The following SLC24A2 variants were observed in gnomAD, a reference collection of about 807,000 sequenced individuals.
The protein encoded by SLC24A2 is sodium/potassium/calcium exchanger 2.
Under a neutral mutation model 62.0 loss-of-function variants are expected in SLC24A2, and 36 were observed. The observed-to-expected ratio is 0.58, with a 90% CI of 0.44 to 0.77. SLC24A2 has a LOEUF of 0.77. SLC24A2 is among the 30% of genes least tolerant of loss of function. The probability of loss-of-function intolerance (pLI) is 0.00; values close to 1 mark genes in which losing one functional copy is unlikely to be tolerated. For synonymous variants in SLC24A2, 358 were observed against 294.0 expected (o/e 1.22, Z -2.23); for missense variants, 846 against 817.9 (o/e 1.03, Z -0.42).
At chr9:19,610,756 T>C (rs371141500) in intron 4 of SLC24A2, among the ~76,000 whole-genome samples, 1 of 152,244 alleles carries the variant, frequency 6.6e-6, no homozygotes, top group East Asian at 1.9e-4. Flanking sequence ...AGAACTTTGT[T>C]GGTCACTACA....
rs979810171 is a variant in SLC24A2 at position 19,690,626 on chromosome 9, C to T, written c.931-68327G>A. Among the ~76,000 whole-genome samples, 12 of 152,276 alleles carry T rather than the reference C, an allele frequency of 7.9e-5. No homozygotes were observed. The East Asian group carries it at 2.1e-3, about 27-fold the overall frequency. The stretch of plus-strand genomic sequence containing the variant: ...AGAAAGAGGTAAAGGCCAAATGGTA[C>T]TGCCTGAGGCCTCCTTAGATCTAGC... On this transcript the variant is annotated intron_variant, in intron 2 of 10. Transcript: ENST00000341998.
chr9:19,565,340 A>C lies in SLC24A2; in HGVS notation c.1347+8011T>G, dbSNP rs1835604192. Among the ~76,000 whole-genome samples, 3 of 147,122 alleles carry C rather than the reference A, an allele frequency of 2.0e-5. No homozygotes were observed. The East Asian group carries it at 5.8e-4, about 29-fold the overall frequency. On this transcript the variant is annotated intron_variant, in intron 7 of 10. Transcript: ENST00000341998. Reference sequence around the variant, plus strand: ...CCAACAACAGACAAACAGAGAGCCAAATCATGAGTGAACTCCCATTCACAA... The same window carrying C: ...CCAACAACAGACAAACAGAGAGCCACATCATGAGTGAACTCCCATTCACAA...
In SLC24A2 at chr9:19,787,182, A is replaced by T. The variant is rs563277866; in HGVS notation, c.-153-163T>A. On this transcript the variant is annotated intron_variant, in intron 1 of 10. Transcript: ENST00000341998. ...TTCCTCATTTAAAATGGGGACAATT[A>T]CGGTACCTACCACCCAGGATTGTTT... is the stretch of plus-strand genomic sequence containing the variant. Among the ~76,000 whole-genome samples, 495 of 152,328 alleles carry T rather than the reference A, an allele frequency of 3.2e-3. 1 individual carries two copies. Among genetic ancestry groups the T allele is most frequent in the African/African-American group, 0.011 (463 of 41,570 alleles).
chr9:19,994,470 T>A, the SLC24A2 span, among the ~76,000 whole-genome samples: 25 of 152,294 alleles, frequency 1.6e-4, no homozygotes, highest in South Asian at 4.4e-3. Flanking sequence ...TCCCAATGTG[T>A]TGGGCACCTG....
At chr9:20,041,206 G>GAC in the SLC24A2 span, among the ~76,000 whole-genome samples, 3 of 151,804 alleles carry the variant, frequency 2.0e-5, no homozygotes, top group Non-Finnish European at 4.4e-5. Context: ...AAAAGAAAGA[G>GAC]AGATAGGGAG....
chr9:19,713,445 GA>G (rs1398980533), intron 2 of SLC24A2, among the ~76,000 whole-genome samples: 1 of 152,118 alleles, frequency 6.6e-6, no homozygotes, highest in Non-Finnish European at 1.5e-5. Context: ...CTTTGAATGC[GA>G]AAATAAATTA....
the SLC24A2 span, among the ~76,000 whole-genome samples, chr9:19,983,796 A>T: frequency 6.0e-4 from 91 of 152,210 alleles, no homozygotes; most frequent in Non-Finnish European, 1.2e-3. Flanking sequence ...TAACACTAGA[A>T]TTTTAAATCT....
chr9:19,555,069 T>C (rs1835015694), intron 7 of SLC24A2, among the ~76,000 whole-genome samples: 1 of 152,186 alleles, frequency 6.6e-6, no homozygotes, highest in South Asian at 2.1e-4. Context: ...GACTTAACAC[T>C]GGTTTTCTTG....
chr9:19,902,620 G>T, the SLC24A2 span, among the ~76,000 whole-genome samples: 1 of 152,048 alleles, frequency 6.6e-6, no homozygotes, highest in Non-Finnish European at 1.5e-5. Flanking sequence ...TTTAATAAAG[G>T]CTCATTCTGG....
the SLC24A2 span, among the ~76,000 whole-genome samples, chr9:19,917,135 T>C: frequency 6.6e-6 from 1 of 151,338 alleles, no homozygotes; most frequent in African/African-American, 2.4e-5. Flanking sequence ...TAGATTGGAA[T>C]GTCCTTATTC....
At position 19,528,035 on chromosome 9, in the gene SLC24A2, T is replaced by C. The variant is rs1833520582; in HGVS notation, c.1569+14A>G. The C allele has an allele frequency of 1.3e-6, 2 of 1,496,620 alleles. No homozygotes were observed. Among genetic ancestry groups the C allele is most frequent in the Non-Finnish European group, 1.8e-6 (2 of 1,086,894 alleles). The allele number at this position is 1,496,620 out of a possible 1,614,324, so 92.7% of individuals were successfully genotyped here. On this transcript the variant is annotated intron_variant, in intron 9 of 10. Coordinates refer to ENST00000341998, the MANE Select transcript of SLC24A2 (RefSeq NM_020344.4). Reference sequence around the variant, plus strand: ...GAAAAACAAGGCAGAGGCATGTCACTATCAAAATCTTACCTGGTGCGCCCA... The same window carrying C: ...GAAAAACAAGGCAGAGGCATGTCACCATCAAAATCTTACCTGGTGCGCCCA...
Position 19,550,182 on chromosome 9 carries a change from G to A in SLC24A2, c.1434C>T (p.Pro478=), listed in dbSNP as rs773319284. ...RKQVTFLIVF[P]IVFPLWITLP... is the part of the protein sequence containing the mutation. Reference sequence around the variant, plus strand: ...ACGTAATCCAGAGAGGAAACACTATGGGGAAAACAATCAGAAACGTGACTT... The same window carrying A: ...ACGTAATCCAGAGAGGAAACACTATAGGGAAAACAATCAGAAACGTGACTT... Residue 478 remains proline, a synonymous_variant, in exon 8 of 11, where the codon CCC becomes CCT. Coordinates refer to ENST00000341998, the MANE Select transcript of SLC24A2 (RefSeq NM_020344.4). 2 of 1,614,082 alleles carry A rather than the reference G, an allele frequency of 1.2e-6. No individual in the cohort carries two copies. The highest frequency in any genetic ancestry group is 1.7e-6 in the Non-Finnish European group (2 of 1,179,948).
At chr9:19,988,190 C>T in the SLC24A2 span, among the ~76,000 whole-genome samples, 1 of 152,100 alleles carries the variant, frequency 6.6e-6, no homozygotes, top group Non-Finnish European at 1.5e-5. Context: ...CCTCCTTAGT[C>T]TTCCCAGACA....
chr9:19,872,246 C>A, the SLC24A2 span, among the ~76,000 whole-genome samples: 1 of 152,148 alleles, frequency 6.6e-6, no homozygotes, highest in African/African-American at 2.4e-5. Flanking sequence ...TTTGGAGACT[C>A]CTGAGATCTC....
chr9:19,728,234 T>C (rs1821230113), intron 2 of SLC24A2, among the ~76,000 whole-genome samples: 2 of 152,070 alleles, frequency 1.3e-5, no homozygotes, highest in African/African-American at 4.8e-5. Context: ...TATTTAAGGT[T>C]TTCAGAAAGG....
the SLC24A2 span, among the ~76,000 whole-genome samples, chr9:20,295,423 A>C: frequency 6.6e-6 from 1 of 152,122 alleles, no homozygotes; most frequent in Non-Finnish European, 1.5e-5. Flanking sequence ...GGATTTGTGG[A>C]CTTAATTTTA....
intron 2 of SLC24A2, among the ~76,000 whole-genome samples, chr9:19,721,281 C>G (rs1383806983): frequency 1.3e-5 from 2 of 152,088 alleles, no homozygotes; most frequent in African/African-American, 4.8e-5. Flanking sequence ...CATAGAGACC[C>G]AGAGCAAAAT....
At chr9:19,642,059 G>T (rs552914306) in intron 2 of SLC24A2, among the ~76,000 whole-genome samples, 5 of 152,270 alleles carry the variant, frequency 3.3e-5, no homozygotes, top group Non-Finnish European at 5.9e-5. Context: ...GGGAGGGGAA[G>T]TGTGTGTGAG....
the SLC24A2 span, among the ~76,000 whole-genome samples, chr9:19,878,659 T>C: frequency 6.6e-6 from 1 of 151,990 alleles, no homozygotes; most frequent in Non-Finnish European, 1.5e-5. Flanking sequence ...TGGCACCTCC[T>C]CCTATCTCTC....
Sources: allele counts gnomAD v4.1 joint callset (sites outside exome capture counted in the v4.1 genomes callset), GRCh38; gene constraint gnomAD v4.1.1; transcripts MANE v1.5; gene names NCBI Gene and HGNC (gene_info 2026-07-23, HGNC 2026-07-21).